Variants in PLA1A observed in about 807,000 individuals in gnomAD.
The protein encoded by PLA1A is phospholipase A1 member A.
PLA1A carries 47 observed loss-of-function variants against 49.4 expected under a neutral mutation model. That is an observed-to-expected ratio of 0.95 (90% CI 0.75 to 1.21). The LOEUF (loss-of-function observed/expected upper bound fraction) is 1.21, where lower values mean the gene tolerates loss of function less well. PLA1A is among the 50% of genes most tolerant of loss of function. The pLI, the probability that PLA1A is intolerant of heterozygous loss-of-function variation, is 0.00. For synonymous variants in PLA1A, 224 were observed against 207.9 expected (o/e 1.08, Z -0.67); for missense variants, 561 against 563.9 (o/e 0.99, Z 0.05).
At chr3:119,610,965 G>A (rs1003755947) in intron 4 of PLA1A, among the ~76,000 whole-genome samples, 3 of 152,036 alleles carry the variant, frequency 2.0e-5, no homozygotes, top group Admixed American at 6.6e-5. Context: ...TAAGTCTTTA[G>A]TCCTTCTTGA....
At chr3:119,622,497 T>C (rs2082956515) in intron 8 of PLA1A, among the ~76,000 whole-genome samples, 1 of 152,220 alleles carries the variant, frequency 6.6e-6, no homozygotes, top group African/African-American at 2.4e-5. Context: ...TTTCTTCTTG[T>C]GGGTTCTTGG....
At chr3:119,606,245 G>A (rs753498269) in intron 1 of PLA1A, among the ~76,000 whole-genome samples, 13 of 152,216 alleles carry the variant, frequency 8.5e-5, no homozygotes, top group Non-Finnish European at 1.6e-4. Context: ...AATGAGCAAA[G>A]GATCTGTTCC....
chr3:119,629,543 T>C lies in PLA1A; in HGVS notation c.*75T>C, dbSNP rs2052597625. 2 of 811,326 alleles carry C rather than the reference T, an allele frequency of 2.5e-6. No individual in the cohort carries two copies. Among genetic ancestry groups the C allele is most frequent in the East Asian group, 2.4e-5 (1 of 41,330 alleles). 50.3% of individuals were successfully genotyped at this position (811,326 alleles called of 1,614,324 possible). A position where few individuals can be genotyped will look rare whatever the true frequency, so the allele number is the denominator to read the frequency against. On this transcript the variant is annotated 3_prime_UTR_variant, in exon 11 of 11. Coordinates refer to ENST00000273371, the MANE Select transcript of PLA1A (RefSeq NM_015900.4). ...AGAGAGGTGTGATGAGGGATGTGTG[T>C]GTGCAGCTTATTGTAGACCATTACT...
chr3:119,609,413 G>A (rs2082735405), intron 3 of PLA1A, 55 bp from the exon 4 acceptor site: 4 of 1,116,334 alleles, frequency 3.6e-6, no homozygotes, highest in Non-Finnish European at 5.5e-6. Context: ...GCCTGCCACT[G>A]TGAAGCCAGC....
chr3:119,629,359 C>T (rs1328846785), intron 10 of PLA1A, 25 bp from the exon 11 acceptor site: 3 of 1,417,674 alleles, frequency 2.1e-6, no homozygotes, highest in Non-Finnish European at 3.0e-6. Context: ...CCAGCCACTG[C>T]TCTCTTATTG....
intron 9 of PLA1A, 69 bp downstream of exon 9, chr3:119,625,301 G>A: frequency 1.0e-6 from 1 of 971,564 alleles, no homozygotes; most frequent in Non-Finnish European, 1.6e-6. Context: ...TTACACACAT[G>A]GACATCCCAG....
intron 3 of PLA1A, 31 bp from the exon 4 acceptor site, chr3:119,609,437 C>A (rs1405269649): frequency 7.4e-7 from 1 of 1,356,764 alleles, no homozygotes; most frequent in Non-Finnish European, 1.1e-6. Context: ...CTCTGTGGCC[C>A]ACGGGGAACT....
chr3:119,611,087 TG>T, intron 4 of PLA1A, among the ~76,000 whole-genome samples: 1 of 152,314 alleles, frequency 6.6e-6, no homozygotes, highest in South Asian at 2.1e-4. Flanking sequence ...CTAAAAAAAG[TG>T]TTAATTTTTG....
intron 1 of PLA1A, chr3:119,600,351 C>T: frequency 1.4e-6 from 1 of 702,676 alleles, no homozygotes. Flanking sequence ...AGCTTCCAGG[C>T]TGGCTCAGGC....
chr3:119,622,461 TG>T (rs1472463869), intron 8 of PLA1A, among the ~76,000 whole-genome samples: 5 of 152,198 alleles, frequency 3.3e-5, no homozygotes, highest in Non-Finnish European at 2.9e-5. Flanking sequence ...TGTCCTCCTC[TG>T]TGGAGGGGAA....
intron 9 of PLA1A, among the ~76,000 whole-genome samples, chr3:119,625,442 T>A (rs953874528): frequency 6.6e-6 from 1 of 152,098 alleles, no homozygotes; most frequent in African/African-American, 2.4e-5. Context: ...CAGATTCAGA[T>A]GAGAGTAGGC....
chr3:119,622,424 G>A (rs756044320), intron 8 of PLA1A, among the ~76,000 whole-genome samples: 6 of 152,180 alleles, frequency 3.9e-5, no homozygotes, highest in Non-Finnish European at 8.8e-5. Context: ...ATCTGAGAAG[G>A]AGAGACAGAC....
chr3:119,605,870 G>A (rs535528339), intron 1 of PLA1A, among the ~76,000 whole-genome samples: 1 of 152,340 alleles, frequency 6.6e-6, no homozygotes, highest in East Asian at 1.9e-4. Flanking sequence ...TCTATTGCAA[G>A]GTGCTGTGAA....
chr3:119,618,445 C>T (rs930140110), intron 7 of PLA1A, among the ~76,000 whole-genome samples: 4 of 152,186 alleles, frequency 2.6e-5, no homozygotes, highest in Non-Finnish European at 5.9e-5. Context: ...GGTTCCTCCA[C>T]TCTCAGACCA....
At chr3:119,619,277 GT>G (rs2082895389) in intron 7 of PLA1A, among the ~76,000 whole-genome samples, 1 of 152,206 alleles carries the variant, frequency 6.6e-6, no homozygotes, top group African/African-American at 2.4e-5. Flanking sequence ...TAGGAGATTG[GT>G]TTTGCAAGTT....
intron 2 of PLA1A, among the ~76,000 whole-genome samples, chr3:119,607,884 C>T (rs556444188): frequency 5.9e-5 from 9 of 152,298 alleles, no homozygotes; most frequent in South Asian, 2.1e-4. Context: ...ACCCAGTCCG[C>T]GCTCCTCTGT....
In PLA1A at chr3:119,628,722, G is replaced by A. The variant is rs759577229; in HGVS notation, c.1143G>A (p.Gly381=). Residue 381 remains glycine (G), a synonymous_variant, in exon 10 of 11, where the codon GGG becomes GGA. Coordinates refer to ENST00000273371, the MANE Select transcript of PLA1A (RefSeq NM_015900.4). ...KITIPKQQRY[G]KGIIAHATPQ... is the part of the protein sequence containing the mutation. ...GCAGACCTAAGCAGCAACGCTATGG[G>A]AAAGGAATCATAGCCCATGCCACCC... 2.9e-5 allele frequency: 46 copies of A among 1,614,024 alleles called. No homozygotes were observed. The highest frequency in any genetic ancestry group is 3.6e-5 in the Non-Finnish European group (42 of 1,179,972).
rs148248912 is a variant in PLA1A at position 119,615,648 on chromosome 3, C to G, written c.665-364C>G. Among the ~76,000 whole-genome samples, 755 of 151,872 alleles carry G rather than the reference C, an allele frequency of 5.0e-3. 2 individuals are homozygous for G. Among genetic ancestry groups the G allele is most frequent in the African/African-American group, 0.018 (732 of 41,402 alleles). On this transcript the variant is annotated intron_variant, in intron 5 of 10. Transcript: ENST00000273371. ...CTAACATGGTGAAACCCTGTCTCTA[C>G]TAAAAAAACACAAAAACTAGCCGGG...
At chr3:119,607,093 A>T (rs1487620714) in intron 2 of PLA1A, 118 bp downstream of exon 2, 1 of 758,884 alleles carries the variant, frequency 1.3e-6, no homozygotes, top group Non-Finnish European at 2.3e-6. Context: ...CACATGTTCC[A>T]TCCCTCATAT....
Sources: allele counts gnomAD v4.1 joint callset (sites outside exome capture counted in the v4.1 genomes callset), GRCh38; gene constraint gnomAD v4.1.1; transcripts MANE v1.5; gene names NCBI Gene and HGNC (gene_info 2026-07-23, HGNC 2026-07-21).